DDOST: variants seen among roughly 807,000 people sequenced by gnomAD.
DDOST encodes the protein dolichyl-diphosphooligosaccharide--protein glycosyltransferase non-catalytic subunit.
In DDOST, 25 loss-of-function variants were observed where a neutral mutation model predicts 47.6. The ratio of observed to expected loss-of-function variants is 0.53; its 90% CI spans 0.38 to 0.73. DDOST has a LOEUF of 0.73. DDOST is among the 30% of genes least tolerant of loss of function. DDOST has a pLI of 0.00. For missense variants in DDOST, 526 were observed against 573.9 expected (o/e 0.92, Z 0.85); for synonymous variants, 275 against 236.0 (o/e 1.17, Z -1.51).
intron 2 of DDOST, 73 bp from the exon 3 acceptor site, chr1:20,656,260 A>G (rs1570416137): frequency 8.1e-7 from 1 of 1,235,910 alleles, no homozygotes. Context: ...CAGGGAGGGG[A>G]CATGAAGGGC....
chr1:20,653,024 C>T (rs2053314511), intron 8 of DDOST, 53 bp from the exon 9 acceptor site: 3 of 1,608,606 alleles, frequency 1.9e-6, no homozygotes, highest in African/African-American at 1.3e-5. Context: ...AGGCCTTCCA[C>T]CACCTGCAGG....
At chr1:20,654,106 A>G in intron 7 of DDOST, 117 bp downstream of exon 7, 2 of 1,243,270 alleles carry the variant, frequency 1.6e-6, no homozygotes, top group Non-Finnish European at 2.2e-6. Flanking sequence ...ACAGCACCTG[A>G]AACACTCAGC....
chr1:20,653,881 T>C, intron 7 of DDOST, 107 bp from the exon 8 acceptor site: 1 of 1,361,450 alleles, frequency 7.3e-7, no homozygotes, highest in Non-Finnish European at 1.0e-6. Flanking sequence ...AGCGAAGTTC[T>C]GCCTGTAGGC....
Position 20,652,441 on chromosome 1 carries a change from G to A in DDOST, c.1258C>T (p.Leu420=). Residue 420 remains leucine (L), a synonymous_variant, in exon 11 of 11, where the codon CTG becomes TTG. Transcript: ENST00000602624. ...PYYASAFSMM[L]GLFIFSIVFL... Reference sequence around the variant, plus strand: ...ACGATGCTGAAGATGAAGAGCCCCAGCATCATGGAGAAGGCGCTGGCGTAG... The same window carrying A: ...ACGATGCTGAAGATGAAGAGCCCCAACATCATGGAGAAGGCGCTGGCGTAG... 1 of 1,613,992 alleles carries A rather than the reference G, an allele frequency of 6.2e-7. No homozygotes were observed. The highest frequency in any genetic ancestry group is 8.5e-7 in the Non-Finnish European group (1 of 1,179,996).
chr1:20,655,171 GTTTTTT>G (rs869053335), intron 5 of DDOST, among the ~76,000 whole-genome samples: 5 of 77,236 alleles, frequency 6.5e-5, no homozygotes, highest in East Asian at 3.4e-4. Context: ...ACTTTTTTTT[GTTTTTT>G]TTTTTTTTTT....
At chr1:20,655,933 G>A (rs555592820) in intron 3 of DDOST, among the ~76,000 whole-genome samples, 154 bp from the exon 4 acceptor site, 1 of 152,168 alleles carries the variant, frequency 6.6e-6, no homozygotes, top group Non-Finnish European at 1.5e-5. Context: ...GGACAGCAGT[G>A]TGGTATTCTG....
intron 2 of DDOST, among the ~76,000 whole-genome samples, chr1:20,660,208 TG>T (rs1423637163): frequency 6.6e-6 from 1 of 152,214 alleles, no homozygotes; most frequent in Admixed American, 6.5e-5. Flanking sequence ...TCTAAGGTGC[TG>T]GGGAGCATAA....
Position 20,652,240 on chromosome 1 carries a change from G to GCTCT in DDOST, c.*135_*138dup. On this transcript the variant is annotated 3_prime_UTR_variant, in exon 11 of 11. Transcript: ENST00000602624. ...AAATTATCCCAACTCCCACCCCTTG[G>GCTCT]CTCTCAGTGTTGCATCTCCCACAGA... 1.3e-6 allele frequency: 1 copy of GCTCT among 791,274 alleles called. No individual in the cohort carries two copies. The highest frequency in any genetic ancestry group is 2.4e-5 in the South Asian group (1 of 41,624). The allele number at this position is 791,274 out of a possible 1,614,324, so 49.0% of individuals were successfully genotyped here. A position where few individuals can be genotyped will look rare whatever the true frequency, so the allele number is the denominator to read the frequency against.
At chr1:20,652,761 G>A (rs2053310048) in intron 9 of DDOST, 34 bp from the exon 10 acceptor site, 2 of 1,613,624 alleles carry the variant, frequency 1.2e-6, no homozygotes, top group African/African-American at 2.7e-5. Flanking sequence ...ACCGGGAGGG[G>A]TTTCCCAGAG....
rs2053420866 is a variant in DDOST, at chr1:20,660,254, AT to A, written c.265+626del. The A allele has an allele frequency of 1.3e-5, 2 of 152,326 alleles. 1 individual carries two copies. Among genetic ancestry groups the A allele is most frequent in the Non-Finnish European group, 2.9e-5 (2 of 68,112 alleles). 9.4% of individuals were successfully genotyped at this position (152,326 alleles called of 1,614,324 possible). A position where few individuals can be genotyped will look rare whatever the true frequency, so the allele number is the denominator to read the frequency against. On this transcript the variant is annotated intron_variant, in intron 2 of 10. Coordinates refer to ENST00000602624, the MANE Select transcript of DDOST (RefSeq NM_005216.5). The stretch of plus-strand genomic sequence containing the variant: ...AAAGCAGGAGACAATATTTCTTAAT[AT>A]AAGAACTTCTTAACAGAATTGTTCA...
rs776647294 is a variant in DDOST, at chr1:20,652,852, TTTC to T, written c.1059_1061del (p.Lys354del). On this transcript the variant is annotated inframe_deletion and splice_region_variant, in exon 9 of 11. Transcript: ENST00000602624. Reference sequence around the variant, plus strand: ...TCCTCGTGCAGGAACTACACTCACCTTTCTTCTTCAGGAAGGTCCTCACAAAAG... The same window carrying T: ...TCCTCGTGCAGGAACTACACTCACCTTTCTTCAGGAAGGTCCTCACAAAAG... 1.7e-5 allele frequency: 27 copies of T among 1,614,052 alleles called. No homozygotes were observed. In the Admixed American group the frequency reaches 3.5e-4, roughly 21 times the overall value.
At chr1:20,652,598 C>A in intron 10 of DDOST, 23 bp downstream of exon 10, 1 of 1,614,132 alleles carries the variant, frequency 6.2e-7, no homozygotes, top group South Asian at 1.1e-5. Flanking sequence ...TAGCTGAAAA[C>A]AGAAGCTGTC....
chr1:20,657,603 T>A (rs901998927), intron 2 of DDOST, among the ~76,000 whole-genome samples: 1 of 152,246 alleles, frequency 6.6e-6, no homozygotes. Flanking sequence ...AGGACGGACA[T>A]GCCAATTTCT....
rs750576584 is a variant in DDOST, at chr1:20,652,814, G to A, written c.1063+37C>T. ...TCGAGAGCAAGTGAGGCCTGGGGCC[G>A]TTTCTGGCAGCATCCTCGTGCAGGA... On this transcript the variant is annotated intron_variant, in intron 9 of 10. Transcript: ENST00000602624. The A allele has an allele frequency of 1.2e-5, 20 of 1,613,620 alleles. No homozygotes were observed. In the Admixed American group the frequency reaches 2.5e-4, roughly 20 times the overall value.
chr1:20,657,911 G>A (rs2053392831), intron 2 of DDOST, among the ~76,000 whole-genome samples: 2 of 152,164 alleles, frequency 1.3e-5, no homozygotes, highest in Admixed American at 6.5e-5. Flanking sequence ...GGCCGATTTT[G>A]CCCCTCAGAG....
chr1:20,658,347 G>A (rs2053397993), intron 2 of DDOST, among the ~76,000 whole-genome samples: 1 of 152,252 alleles, frequency 6.6e-6, no homozygotes, highest in Non-Finnish European at 1.5e-5. Flanking sequence ...GAGGGTGACA[G>A]TGACAGTAGT....
chr1:20,653,564 T>G, intron 8 of DDOST, 63 bp downstream of exon 8: 5 of 1,498,174 alleles, frequency 3.3e-6, no homozygotes, highest in Non-Finnish European at 4.5e-6. Context: ...AATAAGTGCT[T>G]CTGAGCTGAG....
At chr1:20,655,171 GTTTTTTTTTT>G (rs869053335) in intron 5 of DDOST, among the ~76,000 whole-genome samples, 1 of 77,214 alleles carries the variant, frequency 1.3e-5, no homozygotes, top group Admixed American at 1.5e-4. Context: ...ACTTTTTTTT[GTTTTTTTTTT>G]TTTTTTTTTT....
At chr1:20,659,492 C>A (rs2053413217) in intron 2 of DDOST, among the ~76,000 whole-genome samples, 2 of 152,184 alleles carry the variant, frequency 1.3e-5, no homozygotes, top group South Asian at 4.1e-4. Context: ...AGGGCAGACT[C>A]CCTATCCTTA....
Sources: allele counts gnomAD v4.1 joint callset (sites outside exome capture counted in the v4.1 genomes callset), GRCh38; gene constraint gnomAD v4.1.1; transcripts MANE v1.5; gene names NCBI Gene and HGNC (gene_info 2026-07-23, HGNC 2026-07-21).